The following NR2C1 variants were observed in gnomAD, a reference collection of about 807,000 sequenced individuals.
NR2C1 encodes the protein TR2 nuclear hormone receptor.
A neutral mutation model predicts 74.8 loss-of-function variants in NR2C1; 33 were observed. The observed-to-expected ratio is 0.44, with a 90% CI of 0.33 to 0.59. The LOEUF is 0.59. NR2C1 is among the 20% of genes least tolerant of loss of function. The pLI is 0.02. For missense variants in NR2C1, 568 were observed against 715.6 expected (o/e 0.79, Z 2.35); for synonymous variants, 225 against 240.6 (o/e 0.94, Z 0.60).
chr12:95,021,152 T>A lies in NR2C1; in HGVS notation c.*1077A>T, dbSNP rs1868741515. 6.6e-6 allele frequency: 1 copy of A among 152,120 alleles called. No homozygotes were observed. The highest frequency in any genetic ancestry group is 1.5e-5 in the Non-Finnish European group (1 of 68,018). 9.4% of individuals were successfully genotyped at this position (152,120 alleles called of 1,614,324 possible). On this transcript the variant is annotated 3_prime_UTR_variant, in exon 14 of 14. Coordinates refer to ENST00000333003, the MANE Select transcript of NR2C1 (RefSeq NM_003297.4). ...TTTATGGAATGAAAGAGCAACAATT[T>A]AAATATCTTTTTTGAAATAGTGAAA...
chr12:95,023,041 C>A (rs1868949219), intron 13 of NR2C1, among the ~76,000 whole-genome samples: 1 of 151,904 alleles, frequency 6.6e-6, no homozygotes, highest in Non-Finnish European at 1.5e-5. Context: ...GTGCCAGTGG[C>A]TCACCTCTAG....
Position 95,059,898 on chromosome 12 carries a change from A to T in NR2C1, c.364+8T>A. On this transcript the variant is annotated splice_region_variant and intron_variant, in intron 4 of 13. Transcript: ENST00000333003. The stretch of plus-strand genomic sequence containing the variant: ...TTTCTGTTTTTAGGAGGTTATTCTT[A>T]ATGTTACCTGATGCTTTGTCTCCAC... 1 of 1,572,326 alleles carries T rather than the reference A, an allele frequency of 6.4e-7. No individual in the cohort carries two copies. The highest frequency in any genetic ancestry group is 8.6e-7 in the Non-Finnish European group (1 of 1,164,078).
chr12:95,023,323 G>A (rs1729245331), intron 13 of NR2C1, among the ~76,000 whole-genome samples: 1 of 152,130 alleles, frequency 6.6e-6, no homozygotes, highest in South Asian at 2.1e-4. Context: ...GGCAGAGGTT[G>A]CAGTGAGCCG....
At chr12:95,026,202 G>A (rs145233041) in intron 12 of NR2C1, among the ~76,000 whole-genome samples, 1,958 of 146,072 alleles carry the variant, frequency 0.013, 42 homozygotes, top group African/African-American at 0.047. Flanking sequence ...GTGAGACTCC[G>A]TCTCCAAAAA....
At chr12:95,035,991 G>A (rs1870770633) in intron 10 of NR2C1, among the ~76,000 whole-genome samples, 1 of 152,198 alleles carries the variant, frequency 6.6e-6, no homozygotes, top group South Asian at 2.1e-4. Context: ...GCCAGCAGAT[G>A]TATAAAAACA....
chr12:95,031,548 T>C, intron 10 of NR2C1, 60 bp from the exon 11 acceptor site: 5 of 1,311,436 alleles, frequency 3.8e-6, no homozygotes, highest in Non-Finnish European at 5.1e-6. Context: ...TTTATAAACC[T>C]TACAGCTAGT....
At chr12:95,067,884 T>C (rs1875967166) in intron 1 of NR2C1, among the ~76,000 whole-genome samples, 1 of 146,574 alleles carries the variant, frequency 6.8e-6, no homozygotes, top group Admixed American at 6.8e-5. Context: ...GTATCTTTTT[T>C]TTTTTTTTTT....
At position 95,038,715 on chromosome 12, in the gene NR2C1, G is replaced by A. The variant is rs11107869; in HGVS notation, c.1253+1761C>T. The stretch of plus-strand genomic sequence containing the variant: ...GGAGATTGCAGTGAGCCGAGATCAC[G>A]CTACTGCAATCCAGTATAAGTACTT... On this transcript the variant is annotated intron_variant, in intron 10 of 13. Transcript: ENST00000333003. 1.2e-3 allele frequency among the ~76,000 whole-genome samples: 183 copies of A among 152,262 alleles called. 3 individuals are homozygous for A. In the East Asian group the frequency reaches 0.029, roughly 24 times the overall value.
intron 3 of NR2C1, among the ~76,000 whole-genome samples, chr12:95,061,596 T>A (rs953250130): frequency 6.6e-6 from 1 of 152,212 alleles, no homozygotes; most frequent in Non-Finnish European, 1.5e-5. Flanking sequence ...AATACAAATA[T>A]CATTGGATGA....
At position 95,022,173 on chromosome 12, in the gene NR2C1, G is replaced by T; in HGVS notation, c.*56C>A. 1 of 1,357,330 alleles carries T rather than the reference G, an allele frequency of 7.4e-7. No homozygotes were observed. Among genetic ancestry groups the T allele is most frequent in the Non-Finnish European group, 9.9e-7 (1 of 1,013,798 alleles). 84.1% of individuals were successfully genotyped at this position (1,357,330 alleles called of 1,614,324 possible). ...GCCTCAAAAGCAGTGAGTTCAATTT[G>T]GTGTCTTGTGTTCTGGCAAAGAACA... On this transcript the variant is annotated 3_prime_UTR_variant, in exon 14 of 14. Transcript: ENST00000333003.
chr12:95,022,240 G>A lies in NR2C1; in HGVS notation c.1801C>T (p.His601Tyr). ...PADYNSQIIG[H>Y]SI ...TGCAGTCACAGTTTTCAAATGCTGT[G>A]ACCAATTATTTGAGAGTTATAATCT... The change falls in exon 14 of 14, where the codon CAC (histidine) becomes TAC (tyrosine). Residue 601 changes from histidine (H) to tyrosine (Y), a missense_variant. By Grantham distance (83) the His-to-Tyr change is moderately conservative. This residue lies in a region of NR2C1 where 117 missense variants were observed against 186.7 expected (regional missense o/e 0.63). Coordinates refer to ENST00000333003, the MANE Select transcript of NR2C1 (RefSeq NM_003297.4). 1 of 1,609,820 alleles carries A rather than the reference G, an allele frequency of 6.2e-7. No homozygotes were observed. The highest frequency in any genetic ancestry group is 1.1e-5 in the South Asian group (1 of 90,046).
intron 9 of NR2C1, among the ~76,000 whole-genome samples, chr12:95,048,622 GTTTTTT>G (rs899683567): frequency 7.7e-5 from 10 of 130,516 alleles, no homozygotes; most frequent in Non-Finnish European, 1.5e-4. Flanking sequence ...ATGCAGATGA[GTTTTTT>G]TTTTTTTTTT....
chr12:95,050,647 A>G (rs1872862124), intron 8 of NR2C1, among the ~76,000 whole-genome samples: 1 of 150,728 alleles, frequency 6.6e-6, no homozygotes, highest in South Asian at 2.1e-4. Flanking sequence ...TTTTTCCTTT[A>G]GAGATGGGGT....
intron 13 of NR2C1, among the ~76,000 whole-genome samples, chr12:95,024,635 T>C (rs939233889): frequency 5.9e-5 from 9 of 152,226 alleles, no homozygotes; most frequent in African/African-American, 2.2e-4. Context: ...TCTCACTCTG[T>C]CACCCAGATT....
chr12:95,042,492 C>A (rs1482473942), intron 9 of NR2C1, among the ~76,000 whole-genome samples: 2 of 152,068 alleles, frequency 1.3e-5, no homozygotes, highest in African/African-American at 4.8e-5. Context: ...GGATTACAGG[C>A]ATGAGCCACC....
Position 95,059,950 on chromosome 12 carries a change from T to C in NR2C1, c.320A>G (p.Asn107Ser). ...TACTACGCAAAGATCAAAAACCTTA[T>C]TTGGTCCTTGGTCTGGAGAATTATC... The part of the protein sequence containing the change: ...LTDNSPDQGP[N>S]KVFDLCVVCG... The change falls in exon 4 of 14, where the codon AAT (asparagine) becomes AGT (serine). Residue 107 changes from asparagine to serine, a missense_variant. Physicochemically the swap from Asn to Ser is conservative, Grantham distance 46. Transcript: ENST00000333003. The C allele has an allele frequency of 3.1e-6, 5 of 1,590,620 alleles. No homozygotes were observed. The highest frequency in any genetic ancestry group is 4.3e-6 in the Non-Finnish European group (5 of 1,173,776).
intron 11 of NR2C1, among the ~76,000 whole-genome samples, chr12:95,029,877 A>AT (rs1284954723): frequency 2.0e-5 from 3 of 151,282 alleles, no homozygotes; most frequent in Non-Finnish European, 4.4e-5. Flanking sequence ...CACCCTTTTT[A>AT]TTTTTTTAAA....
chr12:95,057,812 G>A lies in NR2C1; in HGVS notation c.611C>T (p.Thr204Ile). 6.2e-7 allele frequency: 1 copy of A among 1,614,040 alleles called. No individual in the cohort carries two copies. The highest frequency in any genetic ancestry group is 1.1e-5 in the South Asian group (1 of 91,084). The change falls in exon 6 of 14, where the codon ACA becomes ATA. Residue 204 changes from threonine to isoleucine, a missense_variant. Physicochemically the swap from Thr to Ile is moderately conservative, Grantham distance 89 (BLOSUM62 -1). Around this residue, in one of 6 missense-constraint regions of NR2C1, gnomAD observed 239 missense variants for 232.3 expected, o/e 1.03. Coordinates refer to ENST00000333003, the MANE Select transcript of NR2C1 (RefSeq NM_003297.4). ...REKSSNCAAS[T>I]EKIYIRKDLR... is the part of the protein sequence containing the mutation. ...GTCCTTTCGGATATAGATTTTTTCT[G>A]TTGAAGCGGCACAGTTGGAAGATTT...
intron 2 of NR2C1, among the ~76,000 whole-genome samples, chr12:95,064,838 C>G (rs536315370): frequency 4.6e-5 from 7 of 152,244 alleles, no homozygotes; most frequent in African/African-American, 1.7e-4. Context: ...CAAATTTTTT[C>G]TATTTTTATT....
Sources: allele counts gnomAD v4.1 joint callset (sites outside exome capture counted in the v4.1 genomes callset), GRCh38; gene constraint gnomAD v4.1.1; regional missense constraint gnomAD v4.1.1; transcripts MANE v1.5; gene names NCBI Gene and HGNC (gene_info 2026-07-23, HGNC 2026-07-21).